ADAMTSL3: variants seen among roughly 807,000 people sequenced by gnomAD.
The protein encoded by ADAMTSL3 is ADAMTS-like protein 3.
A neutral mutation model predicts 201.7 loss-of-function variants in ADAMTSL3; 128 were observed. The ratio of observed to expected loss-of-function variants is 0.63; its 90% CI spans 0.55 to 0.73. ADAMTSL3 has a LOEUF of 0.73. ADAMTSL3 is among the 30% of genes least tolerant of loss of function. The probability of loss-of-function intolerance (pLI) is 0.00; values close to 1 mark genes in which losing one functional copy is unlikely to be tolerated. For synonymous variants in ADAMTSL3, 738 were observed against 748.4 expected, an observed-to-expected ratio of 0.99 and a Z score of 0.23; for missense variants, 1,990 against 2,119.6, an observed-to-expected ratio of 0.94 and a Z score of 1.20.
chr15:84,011,535 C>T (rs1280137327), intron 23 of ADAMTSL3, among the ~76,000 whole-genome samples: 4 of 152,202 alleles, frequency 2.6e-5, no homozygotes, highest in Non-Finnish European at 5.9e-5. Flanking sequence ...TGGGGAGGGA[C>T]ACAAATATTC....
intron 2 of ADAMTSL3, among the ~76,000 whole-genome samples, chr15:83,698,685 G>A (rs969222743): frequency 1.3e-5 from 2 of 152,146 alleles, no homozygotes; most frequent in African/African-American, 2.4e-5. Flanking sequence ...AATGTCCAAC[G>A]CATGTTTGGT....
intron 6 of ADAMTSL3, among the ~76,000 whole-genome samples, chr15:83,821,324 AG>A (rs1223479864): frequency 6.7e-6 from 1 of 149,572 alleles, no homozygotes; most frequent in Non-Finnish European, 1.5e-5. Context: ...ACAATAGTGG[AG>A]GGAAGGTCAG....
chr15:83,800,237 T>C (rs759658660), intron 4 of ADAMTSL3, among the ~76,000 whole-genome samples: 1 of 152,236 alleles, frequency 6.6e-6, no homozygotes, highest in Non-Finnish European at 1.5e-5. Flanking sequence ...GAAGGAAGAA[T>C]GAGTCCAAAA....
chr15:83,699,621 A>G (rs2061740369), intron 2 of ADAMTSL3, among the ~76,000 whole-genome samples: 1 of 152,146 alleles, frequency 6.6e-6, no homozygotes, highest in African/African-American at 2.4e-5. Flanking sequence ...CCGTCTCCTT[A>G]CCATAAGGCT....
chr15:84,038,346 G>A lies in ADAMTSL3; in HGVS notation c.*540G>A, dbSNP rs2068546862. 6.5e-6 allele frequency: 1 copy of A among 152,710 alleles called. No individual in the cohort carries two copies. Among genetic ancestry groups the A allele is most frequent in the Non-Finnish European group, 1.5e-5 (1 of 68,388 alleles). The allele number at this position is 152,710 out of a possible 1,614,324, so 9.5% of individuals were successfully genotyped here. A position where few individuals can be genotyped will look rare whatever the true frequency, so the allele number is the denominator to read the frequency against. ...GAAAAAGAAACCATCTCTCTGGATA[G>A]GCTGTCACACTGACTGACCTAAGGG... is the stretch of plus-strand genomic sequence containing the variant. On this transcript the variant is annotated 3_prime_UTR_variant, in exon 30 of 30. Coordinates refer to ENST00000286744, the MANE Select transcript of ADAMTSL3 (RefSeq NM_207517.3).
intron 2 of ADAMTSL3, among the ~76,000 whole-genome samples, chr15:83,682,085 G>T (rs75352787): frequency 0.019 from 2,947 of 152,212 alleles, 96 homozygotes; most frequent in African/African-American, 0.067. Context: ...GGCTAGAGAC[G>T]CTTGGGTATC....
intron 10 of ADAMTSL3, among the ~76,000 whole-genome samples, chr15:83,887,565 T>C (rs1032596440): frequency 6.6e-6 from 1 of 152,228 alleles, no homozygotes; most frequent in African/African-American, 2.4e-5. Flanking sequence ...GAGTCACTTA[T>C]GACTCTTTGG....
chr15:83,846,652 C>T (rs548712077), intron 7 of ADAMTSL3, among the ~76,000 whole-genome samples: 1 of 152,276 alleles, frequency 6.6e-6, no homozygotes, highest in East Asian at 1.9e-4. Context: ...ATCCTCAGGC[C>T]CCACCCTAGA....
At chr15:83,658,146 G>A (rs1359805013) in intron 2 of ADAMTSL3, among the ~76,000 whole-genome samples, 1 of 152,218 alleles carries the variant, frequency 6.6e-6, no homozygotes, top group Non-Finnish European at 1.5e-5. Context: ...GTTTCACACT[G>A]TTGCTCAGGC....
chr15:83,728,281 A>T (rs2062210972), intron 3 of ADAMTSL3, among the ~76,000 whole-genome samples: 1 of 150,102 alleles, frequency 6.7e-6, no homozygotes, highest in Non-Finnish European at 1.5e-5. Context: ...TAGGCAACAC[A>T]TCATTGAGTC....
At chr15:83,921,502 C>T (rs1171040184) in intron 16 of ADAMTSL3, among the ~76,000 whole-genome samples, 2 of 152,118 alleles carry the variant, frequency 1.3e-5, no homozygotes, top group African/African-American at 2.4e-5. Flanking sequence ...GGTATTCTTA[C>T]ACTATGTGTG....
chr15:83,714,443 G>T (rs2061972116), intron 3 of ADAMTSL3, among the ~76,000 whole-genome samples: 1 of 152,150 alleles, frequency 6.6e-6, no homozygotes, highest in Admixed American at 6.6e-5. Context: ...CTCTTCAACT[G>T]CAGCCTTTGC....
At chr15:83,722,892 A>C (rs2062120614) in intron 3 of ADAMTSL3, among the ~76,000 whole-genome samples, 1 of 152,148 alleles carries the variant, frequency 6.6e-6, no homozygotes, top group South Asian at 2.1e-4. Context: ...TAAAAAATTT[A>C]ACCATAAAAA....
At position 84,037,887 on chromosome 15, in the gene ADAMTSL3, A is replaced by C. The variant is rs2141953651; in HGVS notation, c.*81A>C. The C allele has an allele frequency of 3.3e-6, 5 of 1,510,428 alleles. No individual in the cohort carries two copies. The highest frequency in any genetic ancestry group is 1.8e-4 in the Middle Eastern group (1 of 5,672). 93.6% of individuals were successfully genotyped at this position (1,510,428 alleles called of 1,614,324 possible). ...TTTTCCCCATGTCGCTGATTCAAAA[A>C]CATGTATTTCTTAAAAGACTAGATT... is the stretch of plus-strand genomic sequence containing the variant. On this transcript the variant is annotated 3_prime_UTR_variant, in exon 30 of 30. Coordinates refer to ENST00000286744, the MANE Select transcript of ADAMTSL3 (RefSeq NM_207517.3).
At chr15:83,696,140 C>T (rs1266190255) in intron 2 of ADAMTSL3, among the ~76,000 whole-genome samples, 1 of 152,178 alleles carries the variant, frequency 6.6e-6, no homozygotes, top group African/African-American at 2.4e-5. Flanking sequence ...CTGGAAGATA[C>T]GCTTCCTGAC....
At chr15:83,830,124 T>C (rs1392701832) in intron 6 of ADAMTSL3, among the ~76,000 whole-genome samples, 2 of 152,156 alleles carry the variant, frequency 1.3e-5, no homozygotes, top group Non-Finnish European at 2.9e-5. Context: ...AGTGAGACCA[T>C]TCATCAAGAC....
At chr15:83,668,153 C>A in intron 2 of ADAMTSL3, among the ~76,000 whole-genome samples, 1 of 151,614 alleles carries the variant, frequency 6.6e-6, no homozygotes. Context: ...AAATATACAC[C>A]CAACAAGATG....
rs2064168705 is a variant in ADAMTSL3, at chr15:83,832,085, G to A, written c.601-6004G>A. On this transcript the variant is annotated intron_variant, in intron 6 of 29. Coordinates refer to ENST00000286744, the MANE Select transcript of ADAMTSL3 (RefSeq NM_207517.3). ...GGCAGGTAGGAAGGGGTAAATATGG[G>A]CCACTGATCAGTTTGGTATGGGAAT... Among the ~76,000 whole-genome samples the A allele has an allele frequency of 2.0e-5, 3 of 152,252 alleles. No homozygotes were observed. The South Asian group carries it at 6.2e-4, about 32-fold the overall frequency.
chr15:83,759,505 G>A (rs554019076), intron 3 of ADAMTSL3, among the ~76,000 whole-genome samples: 26 of 152,302 alleles, frequency 1.7e-4, no homozygotes, highest in Middle Eastern at 3.4e-3. Context: ...AATTACAGGC[G>A]TGAGCCACTG....
Sources: allele counts gnomAD v4.1 joint callset (sites outside exome capture counted in the v4.1 genomes callset), GRCh38; gene constraint gnomAD v4.1.1; transcripts MANE v1.5; gene names NCBI Gene and HGNC (gene_info 2026-07-23, HGNC 2026-07-21).